Variants in PHTF2 observed in about 807,000 individuals in gnomAD.
PHTF2 encodes putative homeodomain transcription factor 2.
Under a neutral mutation model 101.2 loss-of-function variants are expected in PHTF2, and 60 were observed. The observed-to-expected ratio is 0.59, with a 90% confidence interval of 0.48 to 0.73. The LOEUF (loss-of-function observed/expected upper bound fraction) is 0.73, where lower values mean the gene tolerates loss of function less well. PHTF2 is among the 30% of genes least tolerant of loss of function. PHTF2 has a pLI of 0.00. For missense variants in PHTF2, 747 were observed against 908.7 expected (o/e 0.82, Z 2.29); for synonymous variants, 311 against 307.3 (o/e 1.01, Z -0.13).
intron 17 of PHTF2, among the ~76,000 whole-genome samples, chr7:77,950,874 C>G: frequency 6.6e-6 from 1 of 152,124 alleles, no homozygotes; most frequent in East Asian, 1.9e-4. Context: ...AGTTCATGTT[C>G]CTACAATATC....
At chr7:77,902,394 TGA>T (rs906686760) in intron 7 of PHTF2, among the ~76,000 whole-genome samples, 2 of 152,194 alleles carry the variant, frequency 1.3e-5, no homozygotes, top group Non-Finnish European at 2.9e-5. Context: ...ATCAACCTGA[TGA>T]AGTACAGGGA....
intron 3 of PHTF2, among the ~76,000 whole-genome samples, chr7:77,890,954 G>A (rs533300276): frequency 1.5e-5 from 2 of 135,560 alleles, no homozygotes; most frequent in South Asian, 4.8e-4. Flanking sequence ...TGTCACCCAG[G>A]CAGAGTACAG....
rs1360747944 is a variant in PHTF2 at position 77,898,753 on chromosome 7, G to T, written c.217-1958G>T. Among the ~76,000 whole-genome samples, 9 of 152,182 alleles carry T rather than the reference G, an allele frequency of 5.9e-5. No individual in the cohort carries two copies. The South Asian group carries it at 1.9e-3, about 32-fold the overall frequency. ...TTAACAATTCATGGCCAACAGCACT[G>T]TAAATCATATCTGAACAGAGGTTAT... On this transcript the variant is annotated intron_variant, in intron 5 of 19. Coordinates refer to ENST00000416283, the Ensembl canonical transcript of PHTF2.
At chr7:77,905,184 AAAGATT>A (rs1801741519) in intron 7 of PHTF2, among the ~76,000 whole-genome samples, 2 of 152,144 alleles carry the variant, frequency 1.3e-5, no homozygotes, top group African/African-American at 4.8e-5. Context: ...ACTGAATCTT[AAAGATT>A]AACAGTCCTA....
intron 5 of PHTF2, among the ~76,000 whole-genome samples, chr7:77,898,366 G>A (rs969656894): frequency 2.6e-5 from 4 of 152,126 alleles, no homozygotes; most frequent in Admixed American, 2.6e-4. Flanking sequence ...ATTAAAATGT[G>A]TTACTGTTTT....
intron 1 of PHTF2, among the ~76,000 whole-genome samples, chr7:77,825,831 G>A (rs1479056741): frequency 6.6e-6 from 1 of 152,006 alleles, no homozygotes; most frequent in Non-Finnish European, 1.5e-5. Flanking sequence ...AAAATAGCAT[G>A]GCAACTCTAC....
intron 3 of PHTF2, among the ~76,000 whole-genome samples, chr7:77,888,321 G>A (rs1387994436): frequency 6.6e-6 from 1 of 152,124 alleles, no homozygotes; most frequent in Non-Finnish European, 1.5e-5. Context: ...TCACCATGTT[G>A]GCCAGGCTGG....
chr7:77,845,307 T>G (rs1173290115), intron 2 of PHTF2, among the ~76,000 whole-genome samples: 1 of 152,154 alleles, frequency 6.6e-6, no homozygotes, highest in Non-Finnish European at 1.5e-5. Flanking sequence ...GAAGAGTGGC[T>G]TAGAAAAACT....
At chr7:77,803,519 A>G (rs1308960318) in intron 1 of PHTF2, among the ~76,000 whole-genome samples, 1 of 152,182 alleles carries the variant, frequency 6.6e-6, no homozygotes, top group Non-Finnish European at 1.5e-5. Flanking sequence ...TGGACTCATT[A>G]TGTAATATTT....
chr7:77,892,478 C>T (rs992697365), intron 3 of PHTF2, among the ~76,000 whole-genome samples: 1 of 152,176 alleles, frequency 6.6e-6, no homozygotes. Context: ...AGAAAATACT[C>T]TTTCCTCCTG....
chr7:77,837,113 CTAAA>C (rs988133020), intron 1 of PHTF2, among the ~76,000 whole-genome samples: 11 of 151,930 alleles, frequency 7.2e-5, no homozygotes, highest in Middle Eastern at 3.4e-3. Context: ...TGGATTATTT[CTAAA>C]TAAATAAAGA....
intron 12 of PHTF2, among the ~76,000 whole-genome samples, chr7:77,935,214 CTTTTT>C (rs1158677069): frequency 2.2e-4 from 13 of 59,248 alleles, no homozygotes; most frequent in African/African-American, 6.2e-4. Context: ...GTAATTTACC[CTTTTT>C]TTTTTTTTTT....
At chr7:77,915,448 C>T (rs544759777) in intron 9 of PHTF2, among the ~76,000 whole-genome samples, 5 of 151,956 alleles carry the variant, frequency 3.3e-5, no homozygotes, top group South Asian at 4.2e-4. Context: ...CTTGACCTCA[C>T]GATCCGCCCA....
intron 3 of PHTF2, among the ~76,000 whole-genome samples, chr7:77,879,803 A>G (rs1039258153): frequency 3.9e-5 from 6 of 152,098 alleles, no homozygotes; most frequent in African/African-American, 1.4e-4. Context: ...TATTTTCATA[A>G]ATTGATTTTG....
At chr7:77,956,050 C>T (rs181893875) in exon 20 of PHTF2, 14 of 152,556 alleles carry the variant, frequency 9.2e-5, no homozygotes, top group Middle Eastern at 3.4e-3. Context: ...TTAGGTAAAT[C>T]GGGCAAATAT....
At chr7:77,799,220 C>T (rs1292324710) in intron 1 of PHTF2, among the ~76,000 whole-genome samples, 3 of 152,162 alleles carry the variant, frequency 2.0e-5, no homozygotes, top group Non-Finnish European at 2.9e-5. Flanking sequence ...GCCTTCCTCC[C>T]GAGCTCGCGC....
Position 77,900,702 on chromosome 7 carries a change from A to ATATT in PHTF2, c.217-8_217-5dup. ...ATACAATTCCAATGCTTCTTTTGAT[A>ATATT]TATTATAGGGGCTAAGGAATAAACC... On this transcript the variant is annotated splice_polypyrimidine_tract_variant and intron_variant, in intron 5 of 19. Coordinates refer to ENST00000416283, the Ensembl canonical transcript of PHTF2. 1.4e-6 allele frequency: 2 copies of ATATT among 1,398,418 alleles called. No homozygotes were observed. Among genetic ancestry groups the ATATT allele is most frequent in the Non-Finnish European group, 2.0e-6 (2 of 983,984 alleles). 86.6% of individuals were successfully genotyped at this position (1,398,418 alleles called of 1,614,324 possible).
At chr7:77,922,875 T>A in intron 11 of PHTF2, 97 bp downstream of exon 10, 1 of 1,289,842 alleles carries the variant, frequency 7.8e-7, no homozygotes, top group Admixed American at 2.7e-5. Context: ...GAAATAAATA[T>A]TTCACATTAT....
intron 3 of PHTF2, among the ~76,000 whole-genome samples, chr7:77,879,474 G>A (rs549892555): frequency 5.3e-5 from 8 of 152,082 alleles, no homozygotes; most frequent in African/African-American, 1.4e-4. Flanking sequence ...GCTGTTTGCC[G>A]GGCTCCCTTT....
Sources: gnomAD v4.1 joint callset for allele counts (sites outside exome capture counted in the v4.1 genomes callset) on GRCh38, gnomAD v4.1.1 for gene constraint, MANE v1.5 for transcripts, NCBI Gene and HGNC (gene_info 2026-07-23, HGNC 2026-07-21) for gene names.